KRT4: variants seen among roughly 807,000 people sequenced by gnomAD.
The protein encoded by KRT4 is keratin, type II cytoskeletal 4.
A neutral mutation model predicts 50.6 loss-of-function variants in KRT4; 47 were observed. The observed-to-expected ratio is 0.93, with a 90% CI of 0.73 to 1.18. The LOEUF (loss-of-function observed/expected upper bound fraction) is 1.18. KRT4 is among the 50% of genes most tolerant of loss of function. The pLI is 0.00. For synonymous variants in KRT4, 254 were observed against 251.2 expected (o/e 1.01, Z -0.10); for missense variants, 651 against 645.7 (o/e 1.01, Z -0.09).
intron 3 of KRT4, 90 bp downstream of exon 3, chr12:52,810,666 A>C: frequency 3.8e-6 from 4 of 1,042,076 alleles, no homozygotes; most frequent in Non-Finnish European, 6.1e-6. Flanking sequence ...GATGAGGCAG[A>C]GATGGACCAA....
rs1939825443 is a variant in KRT4, at chr12:52,807,698, G to A, written c.1292C>T (p.Ala431Val). Residue 431 changes from alanine to valine, a missense_variant, in exon 7 of 9, where the codon GCC becomes GTC. Coordinates refer to ENST00000551956, the MANE Select transcript of KRT4 (RefSeq NM_002272.4). ...GTAGGTGGCGATCTCGATGTCCAAGGCCAGCTTCACACTCATGAGCTCCTG... is the reference window on the plus strand; with the variant it reads ...GTAGGTGGCGATCTCGATGTCCAAGACCAGCTTCACACTCATGAGCTCCTG... The part of the protein sequence containing the change: ...EYQELMSVKL[A>V]LDIEIATYRK... 1 of 1,613,990 alleles carries A rather than the reference G, an allele frequency of 6.2e-7. No individual in the cohort carries two copies. The highest frequency in any genetic ancestry group is 1.1e-5 in the South Asian group (1 of 91,084).
intron 6 of KRT4, among the ~76,000 whole-genome samples, 153 bp from the exon 7 acceptor site, chr12:52,808,017 C>G (rs1437610241): frequency 6.6e-6 from 1 of 152,128 alleles, no homozygotes; most frequent in African/African-American, 2.4e-5. Context: ...ATCTCATTCA[C>G]TCCAGCCATA....
chr12:52,813,557 C>G, intron 1 of KRT4, 40 bp downstream of exon 1: 2 of 1,578,174 alleles, frequency 1.3e-6, no homozygotes, highest in South Asian at 2.2e-5. Context: ...CAGGACCCCT[C>G]TCTTCTAACT....
Position 52,810,776 on chromosome 12 carries a change from C to T in KRT4, c.718G>A (p.Asp240Asn), listed in dbSNP as rs1431759576. 2 of 1,614,040 alleles carry T rather than the reference C, an allele frequency of 1.2e-6. No homozygotes were observed. Among genetic ancestry groups the T allele is most frequent in the Non-Finnish European group, 1.7e-6 (2 of 1,180,016 alleles). Residue 240 changes from aspartate to asparagine, a missense_variant, in exon 3 of 9, where the codon GAC becomes AAC. Coordinates refer to ENST00000551956, the MANE Select transcript of KRT4 (RefSeq NM_002272.4). The part of the protein sequence containing the change: ...EINKRTAAEN[D>N]FVVLKKDVDA... The stretch of plus-strand genomic sequence containing the variant: ...CTTACCTTCTTTAGGACCACAAAGT[C>T]ATTCTCGGCTGCTGTGCGTTTGTTG...
chr12:52,813,572 CT>C (rs1403002194), intron 1 of KRT4, 24 bp downstream of exon 1: 1 of 1,606,062 alleles, frequency 6.2e-7, no homozygotes. Flanking sequence ...CTAACTGCCC[CT>C]CTCCAGCCGA....
rs756975251 is a variant in KRT4, at chr12:52,813,999, G to A, written c.60C>T (p.Ala20=). The change falls in exon 1 of 9, where the codon GCC becomes GCT. Residue 20 remains alanine (A), a synonymous_variant. Transcript: ENST00000551956. ...CACCTCTCTTGCCACCGCCTACAATGGCCGAGCCACAGCTGAAGCCCCGGG... is the reference window on the plus strand; with the variant it reads ...CACCTCTCTTGCCACCGCCTACAATAGCCGAGCCACAGCTGAAGCCCCGGG... ...GGPRGFSCGS[A]IVGGGKRGAF... The A allele has an allele frequency of 5.6e-6, 9 of 1,613,946 alleles. No individual in the cohort carries two copies. In the South Asian group the frequency reaches 6.6e-5, roughly 12 times the overall value.
At chr12:52,810,063 T>C (rs1046070726) in intron 3 of KRT4, among the ~76,000 whole-genome samples, 2 of 150,858 alleles carry the variant, frequency 1.3e-5, no homozygotes, top group Non-Finnish European at 2.9e-5. Context: ...TGTGTACATG[T>C]GGACATAGAG....
At chr12:52,813,533 G>A in intron 1 of KRT4, 64 bp downstream of exon 1, 1 of 1,442,070 alleles carries the variant, frequency 6.9e-7, no homozygotes, top group Non-Finnish European at 9.8e-7. Flanking sequence ...GCTCAGGTCT[G>A]AGACCCCAGG....
chr12:52,810,321 G>A (rs1275145880), intron 3 of KRT4, among the ~76,000 whole-genome samples: 1 of 152,174 alleles, frequency 6.6e-6, no homozygotes, highest in East Asian at 1.9e-4. Context: ...GCTGAGGCAG[G>A]CGGATGACCT....
rs761048664 is a variant in KRT4 at position 52,810,708 on chromosome 12, A to T, written c.738+48T>A. On this transcript the variant is annotated intron_variant, in intron 3 of 8. Coordinates refer to ENST00000551956, the MANE Select transcript of KRT4 (RefSeq NM_002272.4). The stretch of plus-strand genomic sequence containing the variant: ...GACTTCAGCCAAAGACCACTCCCCA[A>T]GGGAAGGGGCACCCTGAAGGCACTC... The T allele has an allele frequency of 2.5e-5, 38 of 1,524,828 alleles. No homozygotes were observed. In the East Asian group the frequency reaches 8.3e-4, roughly 33 times the overall value. 94.5% of individuals were successfully genotyped at this position (1,524,828 alleles called of 1,614,324 possible).
chr12:52,809,326 A>G, intron 4 of KRT4, 57 bp downstream of exon 4: 1 of 1,298,208 alleles, frequency 7.7e-7, no homozygotes, highest in Non-Finnish European at 1.1e-6. Flanking sequence ...CCCAACCAGC[A>G]GCGTCACAGA....
At chr12:52,810,252 T>C (rs541577452) in intron 3 of KRT4, among the ~76,000 whole-genome samples, 1 of 152,294 alleles carries the variant, frequency 6.6e-6, no homozygotes, top group East Asian at 1.9e-4. Context: ...CATGAATTTA[T>C]AAAAATAAAA....
chr12:52,812,379 A>C (rs938480997), intron 1 of KRT4, among the ~76,000 whole-genome samples: 1 of 152,252 alleles, frequency 6.6e-6, no homozygotes, highest in Non-Finnish European at 1.5e-5. Context: ...TGAAAGACAA[A>C]GTCACTACAG....
At position 52,807,100 on chromosome 12, in the gene KRT4, A is replaced by T. The variant is rs1442540970; in HGVS notation, c.1532T>A (p.Ile511Asn). The part of the protein sequence containing the change: ...SVSGSSSSKI[I>N]STTTLNKRR ...TCTCTTGTTCAGGGTGGTGGTAGAGATGATCTTGCTGCTGGAACTGCCAGA... is the reference window on the plus strand; with the variant it reads ...TCTCTTGTTCAGGGTGGTGGTAGAGTTGATCTTGCTGCTGGAACTGCCAGA... Residue 511 changes from isoleucine (I) to asparagine (N), a missense_variant, in exon 9 of 9, where the codon ATC becomes AAC. By Grantham distance (149) the Ile-to-Asn change is moderately radical. Transcript: ENST00000551956. The T allele has an allele frequency of 6.2e-7, 1 of 1,614,048 alleles. No individual in the cohort carries two copies. The highest frequency in any genetic ancestry group is 8.5e-7 in the Non-Finnish European group (1 of 1,179,996).
In KRT4 at chr12:52,813,928, G is replaced by A; in HGVS notation, c.131C>T (p.Ser44Phe). Residue 44 changes from serine (S) to phenylalanine (F), a missense_variant, in exon 1 of 9, where the codon TCT becomes TTT. Ser to Phe is a radical substitution (Grantham distance 155, BLOSUM62 -2). Transcript: ENST00000551956. ...GAGGCTTCTGCTGCCAAATCCCCCA[G>A]AAGAGCATCGGCCAGCACCTCCAGA... ...SMSGGAGRCSSGGFGSRSLYN... is the reference protein window; with the variant it reads ...SMSGGAGRCSFGGFGSRSLYN... 1 of 1,520,404 alleles carries A rather than the reference G, an allele frequency of 6.6e-7. No homozygotes were observed. The highest frequency in any genetic ancestry group is 1.1e-5 in the South Asian group (1 of 88,018). The allele number at this position is 1,520,404 out of a possible 1,614,324, so 94.2% of individuals were successfully genotyped here. A position where few individuals can be genotyped will look rare whatever the true frequency, so the allele number is the denominator to read the frequency against.
At chr12:52,809,742 C>G (rs1348763165) in intron 3 of KRT4, among the ~76,000 whole-genome samples, 3 of 152,198 alleles carry the variant, frequency 2.0e-5, no homozygotes, top group Non-Finnish European at 4.4e-5. Context: ...ATCCAGCAAT[C>G]CCAGTGCTGG....
chr12:52,808,857 G>A lies in KRT4; in HGVS notation c.835-7C>T. The A allele has an allele frequency of 3.7e-6, 6 of 1,614,070 alleles. No homozygotes were observed. The highest frequency in any genetic ancestry group is 5.1e-6 in the Non-Finnish European group (6 of 1,179,944). ...TCTGCATCTGGGACAGCTCCTGCAG[G>A]GCAAATGTCTCACATCAGCCCCCCC... On this transcript the variant is annotated splice_region_variant and splice_polypyrimidine_tract_variant and intron_variant, in intron 4 of 8. Transcript: ENST00000551956.
rs982728670 is a variant in KRT4, at chr12:52,813,690, G to C, written c.369C>G (p.His123Gln). 6.4e-7 allele frequency: 1 copy of C among 1,560,486 alleles called. No individual in the cohort carries two copies. The highest frequency in any genetic ancestry group is 1.8e-5 in the Admixed American group (1 of 55,446). Residue 123 changes from histidine (H) to glutamine (Q), a missense_variant, in exon 1 of 9, where the codon CAC becomes CAG. Coordinates refer to ENST00000551956, the MANE Select transcript of KRT4 (RefSeq NM_002272.4). ...TINQSLLTPL[H>Q]VEIDPEIQKV... ...TCTGGATCTCAGGGTCAATCTCCAC[G>C]TGGAGGGGGGTGAGCAAGCTCTGGT...
Position 52,813,991 on chromosome 12 carries a change from C to T in KRT4, c.68G>A (p.Gly23Asp). 6.2e-7 allele frequency: 1 copy of T among 1,614,064 alleles called. No individual in the cohort carries two copies. Among genetic ancestry groups the T allele is most frequent in the Non-Finnish European group, 8.5e-7 (1 of 1,180,026 alleles). Residue 23 changes from glycine to aspartate, a missense_variant, in exon 1 of 9, where the codon GGC (glycine) becomes GAC (aspartate). Coordinates refer to ENST00000551956, the MANE Select transcript of KRT4 (RefSeq NM_002272.4). The stretch of plus-strand genomic sequence containing the variant: ...GCTGAAGGCACCTCTCTTGCCACCG[C>T]CTACAATGGCCGAGCCACAGCTGAA... ...RGFSCGSAIV[G>D]GGKRGAFSSV...
Sources: allele counts gnomAD v4.1 joint callset (sites outside exome capture counted in the v4.1 genomes callset), GRCh38; gene constraint gnomAD v4.1.1; transcripts MANE v1.5; gene names NCBI Gene and HGNC (gene_info 2026-07-23, HGNC 2026-07-21).